Variants in CHL1 observed in about 807,000 individuals in gnomAD.
The protein encoded by CHL1 is cell adhesion molecule L1 like.
A neutral mutation model predicts 141.9 loss-of-function variants in CHL1; 96 were observed. The observed-to-expected ratio is 0.68, with a 90% confidence interval of 0.57 to 0.80. The LOEUF (loss-of-function observed/expected upper bound fraction) is 0.80. CHL1 is among the 30% of genes least tolerant of loss of function. CHL1 has a pLI of 0.00. For missense variants in CHL1, 1,820 were observed against 1,457.2 expected (o/e 1.25, Z -4.05); for synonymous variants, 613 against 502.2 (o/e 1.22, Z -2.95).
intron 2 of CHL1, among the ~76,000 whole-genome samples, chr3:280,979 T>C (rs1696595089): frequency 6.6e-6 from 1 of 152,000 alleles, no homozygotes; most frequent in Non-Finnish European, 1.5e-5. Context: ...ATTAATGATA[T>C]CACATTTTCT....
rs1392525807 is a variant in CHL1 at position 394,883 on chromosome 3, G to A, written c.3094+11G>A. 6.3e-7 allele frequency: 1 copy of A among 1,582,442 alleles called. No individual in the cohort carries two copies. Among genetic ancestry groups the A allele is most frequent in the Non-Finnish European group, 8.6e-7 (1 of 1,169,094 alleles). ...CCTTAGGAGAAGGGAGTAAGTACATGAGGCTTCTCTTTTTAATAGAGGCTT... is the reference window on the plus strand; with the variant it reads ...CCTTAGGAGAAGGGAGTAAGTACATAAGGCTTCTCTTTTTAATAGAGGCTT... On this transcript the variant is annotated intron_variant, in intron 24 of 27. Transcript: ENST00000256509.
chr3:350,112 G>C (rs1477164928), intron 10 of CHL1, among the ~76,000 whole-genome samples: 1 of 152,140 alleles, frequency 6.6e-6, no homozygotes, highest in Non-Finnish European at 1.5e-5. Flanking sequence ...AGGCAAAAAA[G>C]AATAGACTGT....
intron 19 of CHL1, among the ~76,000 whole-genome samples, chr3:386,468 A>G (rs965275943): frequency 2.0e-5 from 3 of 152,208 alleles, no homozygotes; most frequent in Non-Finnish European, 2.9e-5. Flanking sequence ...TTCGAACATC[A>G]TAATGTTCTA....
chr3:197,544 A>C (rs896351250), intron 1 of CHL1: 3 of 270,730 alleles, frequency 1.1e-5, no homozygotes, highest in Admixed American at 8.4e-5. Context: ...TCCCCTGGAC[A>C]CCGCCTGGTG....
rs539959173 is a variant in CHL1 at position 249,907 on chromosome 3, T to C, written c.-95+5215T>C. ...AAAAAATCCTGTTTCTCTATTCTTC[T>C]AAAATCTGTACCTGGGGACTGTGAA... On this transcript the variant is annotated intron_variant, in intron 2 of 27. Transcript: ENST00000256509. Among the ~76,000 whole-genome samples, 24 of 152,106 alleles carry C rather than the reference T, an allele frequency of 1.6e-4. 1 individual carries two copies. The Middle Eastern group carries it at 0.014, about 86-fold the overall frequency.
intron 2 of CHL1, among the ~76,000 whole-genome samples, chr3:246,403 A>C (rs1277877582): frequency 6.6e-6 from 1 of 152,042 alleles, no homozygotes. Context: ...TGATGAAATC[A>C]TTATTTAATT....
intron 6 of CHL1, among the ~76,000 whole-genome samples, 172 bp downstream of exon 6, chr3:341,088 C>T (rs1011298081): frequency 6.6e-6 from 1 of 152,106 alleles, no homozygotes; most frequent in Non-Finnish European, 1.5e-5. Flanking sequence ...ACAATACTTC[C>T]TATATTTCAA....
intron 2 of CHL1, among the ~76,000 whole-genome samples, chr3:273,602 T>G (rs780574665): frequency 6.6e-6 from 1 of 152,222 alleles, no homozygotes; most frequent in Non-Finnish European, 1.5e-5. Context: ...TCTCTCATTT[T>G]TTCTGTGCAA....
rs554268730 is a variant in CHL1, at chr3:320,462, T to C, written c.91+595T>C. On this transcript the variant is annotated intron_variant, in intron 3 of 27. Transcript: ENST00000256509. ...TATATTCTAACATATATTGGTAAAATGGATGCAGATTTTTAGCCATTATAA... is the reference window on the plus strand; with the variant it reads ...TATATTCTAACATATATTGGTAAAACGGATGCAGATTTTTAGCCATTATAA... Among the ~76,000 whole-genome samples, 3 of 152,082 alleles carry C rather than the reference T, an allele frequency of 2.0e-5. No individual in the cohort carries two copies. In the East Asian group the frequency reaches 5.8e-4, roughly 29 times the overall value.
intron 9 of CHL1, 125 bp from the exon 10 acceptor site, chr3:349,234 C>G (rs143303898): frequency 1.3e-6 from 1 of 746,358 alleles, no homozygotes; most frequent in Middle Eastern, 3.8e-4. Flanking sequence ...GTAAGGATGA[C>G]GTGATTCAGT....
intron 2 of CHL1, among the ~76,000 whole-genome samples, chr3:269,262 C>A (rs1320770402): frequency 6.6e-6 from 1 of 152,132 alleles, no homozygotes; most frequent in Non-Finnish European, 1.5e-5. Context: ...CCTTCTATAG[C>A]GCTTTTCTCA....
intron 8 of CHL1, among the ~76,000 whole-genome samples, chr3:343,648 A>G (rs1386133410): frequency 6.6e-6 from 1 of 152,196 alleles, no homozygotes; most frequent in Non-Finnish European, 1.5e-5. Flanking sequence ...AGTCAGTTAC[A>G]TAATTGCAGC....
chr3:382,247 G>A lies in CHL1; in HGVS notation c.1945G>A (p.Glu649Lys). The A allele has an allele frequency of 6.2e-7, 1 of 1,613,820 alleles. No individual in the cohort carries two copies. The highest frequency in any genetic ancestry group is 1.1e-5 in the South Asian group (1 of 91,078). Residue 649 changes from glutamate to lysine, a missense_variant, in exon 17 of 28, where the codon GAA becomes AAA. By Grantham distance (56) the Glu-to-Lys change is moderately conservative. Coordinates refer to ENST00000256509, the MANE Select transcript of CHL1 (RefSeq NM_006614.4). Reference protein sequence around the residue: ...RQNRSVRLTWEAGADHNSNIS... With the variant: ...RQNRSVRLTWKAGADHNSNIS... ...GAACAGGAGTGTTCGGCTGACCTGG[G>A]AAGCTGGAGCTGACCACAACAGCAA...
At chr3:236,843 C>T (rs1025402705) in intron 1 of CHL1, among the ~76,000 whole-genome samples, 1 of 145,152 alleles carries the variant, frequency 6.9e-6, no homozygotes, top group African/African-American at 2.9e-5. Context: ...CTCCTTCAGT[C>T]CCATTATTAG....
intron 2 of CHL1, among the ~76,000 whole-genome samples, chr3:310,402 C>T (rs1699660299): frequency 6.6e-6 from 1 of 152,054 alleles, no homozygotes; most frequent in African/African-American, 2.4e-5. Context: ...TATCAGTCTG[C>T]TGTGATTTTA....
chr3:387,680 C>T (rs905108422), intron 19 of CHL1, among the ~76,000 whole-genome samples: 1 of 152,138 alleles, frequency 6.6e-6, no homozygotes, highest in Admixed American at 6.5e-5. Context: ...GATTGCAGTA[C>T]GGCACTACAA....
At chr3:242,891 T>C (rs923737879) in intron 1 of CHL1, among the ~76,000 whole-genome samples, 1 of 152,116 alleles carries the variant, frequency 6.6e-6, no homozygotes, top group Admixed American at 6.6e-5. Flanking sequence ...AAATCCTAAG[T>C]GAGAGTGGGG....
intron 2 of CHL1, among the ~76,000 whole-genome samples, chr3:301,789 T>C (rs1352893096): frequency 6.6e-6 from 1 of 152,198 alleles, no homozygotes; most frequent in Non-Finnish European, 1.5e-5. Context: ...CTGGGTTACA[T>C]GTACAGAACA....
chr3:361,597 T>A, intron 12 of CHL1, 102 bp from the exon 13 acceptor site: 1 of 726,564 alleles, frequency 1.4e-6, no homozygotes, highest in South Asian at 1.6e-5. Context: ...AATATTCTGC[T>A]GTTTTCTGTT....
Sources: allele counts gnomAD v4.1 joint callset (sites outside exome capture counted in the v4.1 genomes callset), GRCh38; gene constraint gnomAD v4.1.1; transcripts MANE v1.5; gene names NCBI Gene and HGNC (gene_info 2026-07-23, HGNC 2026-07-21).